The following XKR9 variants were observed in gnomAD, a reference collection of about 807,000 sequenced individuals.
XKR9 encodes the protein XK-related protein 9.
In XKR9, 32 loss-of-function variants were observed where a neutral mutation model predicts 32.0. That is an observed-to-expected ratio of 1.00 (90% CI 0.76 to 1.34). The LOEUF (loss-of-function observed/expected upper bound fraction) is 1.34, where lower values mean the gene tolerates loss of function less well. Ranked by LOEUF, XKR9 falls within the 40% of genes most tolerant of loss-of-function variation. The pLI, the probability that XKR9 is intolerant of heterozygous loss-of-function variation, is 0.00. For missense variants in XKR9, 546 were observed against 429.7 expected (o/e 1.27, Z -2.39); for synonymous variants, 168 against 143.4 (o/e 1.17, Z -1.22).
At chr8:70,902,888 A>G in the XKR9 span, among the ~76,000 whole-genome samples, 1 of 152,088 alleles carries the variant, frequency 6.6e-6, no homozygotes, top group African/African-American at 2.4e-5. Flanking sequence ...TTCTGCATCT[A>G]TTGAGATAAT....
At chr8:70,951,893 G>T in the XKR9 span, among the ~76,000 whole-genome samples, 1 of 1,236 alleles carries the variant, frequency 8.1e-4, no homozygotes, top group African/African-American at 3.1e-3. Context: ...CTCCTTGTAG[G>T]ACCCCCCCAG....
At chr8:70,794,776 G>T (rs950960232), downstream of XKR9, among the ~76,000 whole-genome samples, 1 of 149,434 alleles carries the variant, frequency 6.7e-6, no homozygotes, top group Non-Finnish European at 1.5e-5. Context: ...TTTTGTTAAG[G>T]ATTTTTGTGT....
the XKR9 span, among the ~76,000 whole-genome samples, chr8:70,994,666 A>G: frequency 6.8e-6 from 1 of 146,524 alleles, no homozygotes; most frequent in Non-Finnish European, 1.5e-5. Context: ...TACTCCAAAT[A>G]TTTTTTCCAT....
At chr8:71,021,079 T>A in the XKR9 span, among the ~76,000 whole-genome samples, 1 of 152,134 alleles carries the variant, frequency 6.6e-6, no homozygotes, top group Non-Finnish European at 1.5e-5. Flanking sequence ...TGTGCAGAGA[T>A]CACATGGTGA....
the XKR9 span, among the ~76,000 whole-genome samples, chr8:70,819,481 C>T: frequency 6.6e-6 from 1 of 152,100 alleles, no homozygotes; most frequent in Non-Finnish European, 1.5e-5. Context: ...TCAGTCTTTT[C>T]TGAGTGGTGA....
At chr8:70,786,874 G>A (rs1344204803) in intron 2 of XKR9, among the ~76,000 whole-genome samples, 1 of 151,990 alleles carries the variant, frequency 6.6e-6, no homozygotes, top group African/African-American at 2.4e-5. Context: ...TTCCTTCGTG[G>A]TTGATGGTTT....
At chr8:70,791,277 C>T (rs922491254), downstream of XKR9, among the ~76,000 whole-genome samples, 1 of 150,712 alleles carries the variant, frequency 6.6e-6, no homozygotes, top group African/African-American at 2.4e-5. Context: ...GAGTTCAAGA[C>T]CAACCTGAAC....
chr8:70,764,750 C>T (rs751618701), intron 2 of XKR9, among the ~76,000 whole-genome samples: 1 of 152,108 alleles, frequency 6.6e-6, no homozygotes, highest in Admixed American at 6.6e-5. Context: ...TTGCCTCCCA[C>T]CCCCTGACAG....
chr8:71,060,849 C>T, the XKR9 span, among the ~76,000 whole-genome samples: 3 of 152,284 alleles, frequency 2.0e-5, no homozygotes, highest in East Asian at 5.8e-4. Context: ...GTCAAGACCA[C>T]ATGGTTAGTA....
the XKR9 span, among the ~76,000 whole-genome samples, chr8:71,033,404 G>A: frequency 6.6e-6 from 1 of 152,140 alleles, no homozygotes; most frequent in Non-Finnish European, 1.5e-5. Context: ...AGAAATGTTA[G>A]CCATTTTTAT....
At chr8:70,947,657 C>G in the XKR9 span, among the ~76,000 whole-genome samples, 9,068 of 152,202 alleles carry the variant, frequency 0.06, 384 homozygotes, top group Non-Finnish European at 0.084. Flanking sequence ...CATCCAAATA[C>G]TTTGTTTTTT....
At chr8:70,821,205 G>A in the XKR9 span, among the ~76,000 whole-genome samples, 1 of 152,220 alleles carries the variant, frequency 6.6e-6, no homozygotes. Flanking sequence ...AAATCCAATA[G>A]GGCAGTCCAA....
chr8:70,807,088 C>T, the XKR9 span, among the ~76,000 whole-genome samples: 2 of 152,114 alleles, frequency 1.3e-5, no homozygotes, highest in South Asian at 2.1e-4. Flanking sequence ...CCGTACAAGG[C>T]AGAAGAGATT....
intron 4 of XKR9, among the ~76,000 whole-genome samples, chr8:70,733,092 G>T (rs1027257808): frequency 6.6e-6 from 1 of 152,196 alleles, no homozygotes; most frequent in Non-Finnish European, 1.5e-5. Context: ...TAGTGACAGA[G>T]TGAGACTCCA....
the XKR9 span, among the ~76,000 whole-genome samples, chr8:70,955,320 T>A: frequency 6.6e-6 from 1 of 152,210 alleles, no homozygotes; most frequent in African/African-American, 2.4e-5. Context: ...GGCACAGGAC[T>A]AATTCTATCA....
the XKR9 span, among the ~76,000 whole-genome samples, chr8:70,882,661 C>G: frequency 1.3e-5 from 2 of 151,916 alleles, no homozygotes; most frequent in African/African-American, 2.4e-5. Flanking sequence ...AATTTCATAT[C>G]TTTGTTTCCT....
chr8:70,931,788 C>T, the XKR9 span, among the ~76,000 whole-genome samples: 1 of 152,132 alleles, frequency 6.6e-6, no homozygotes, highest in African/African-American at 2.4e-5. Context: ...TCCCAGACTC[C>T]TGTAAACAAC....
the XKR9 span, among the ~76,000 whole-genome samples, chr8:70,932,993 C>T: frequency 1.6e-3 from 238 of 152,228 alleles, 1 homozygote; most frequent in African/African-American, 5.5e-3. Context: ...TTTTTATACT[C>T]TTTGTCTTCA....
chr8:71,038,320 C>G, the XKR9 span, among the ~76,000 whole-genome samples: 6 of 134,574 alleles, frequency 4.5e-5, no homozygotes, highest in Admixed American at 1.5e-4. Flanking sequence ...TTTCTTTCCT[C>G]TTTGTTTTTT....
Sources: gnomAD v4.1 joint callset for allele counts (sites outside exome capture counted in the v4.1 genomes callset) on GRCh38, gnomAD v4.1.1 for gene constraint, MANE v1.5 for transcripts, NCBI Gene and HGNC (gene_info 2026-07-23, HGNC 2026-07-21) for gene names.